MACROD2: variants seen among roughly 807,000 people sequenced by gnomAD.
MACROD2 encodes mono-ADP ribosylhydrolase 2, also known as ADP-ribose glycohydrolase MACROD2.
Under a neutral mutation model 70.4 loss-of-function variants are expected in MACROD2, and 36 were observed. The observed-to-expected ratio is 0.51, with a 90% CI of 0.39 to 0.68. The LOEUF (loss-of-function observed/expected upper bound fraction) is 0.68. MACROD2 is among the 30% of genes least tolerant of loss of function. MACROD2 has a pLI of 0.00. For missense variants in MACROD2, 496 were observed against 538.4 expected (o/e 0.92, Z 0.78); for synonymous variants, 172 against 178.8 (o/e 0.96, Z 0.30).
At chr20:15,357,166 T>C (rs1027792004) in intron 6 of MACROD2, among the ~76,000 whole-genome samples, 1 of 152,152 alleles carries the variant, frequency 6.6e-6, no homozygotes, top group Non-Finnish European at 1.5e-5. Context: ...TATCCAGCCA[T>C]GAGACTTTGA....
chr20:14,590,260 G>A (rs1197870080), intron 4 of MACROD2, among the ~76,000 whole-genome samples: 1 of 152,086 alleles, frequency 6.6e-6, no homozygotes, highest in Non-Finnish European at 1.5e-5. Context: ...GGAATATAGA[G>A]CTGTCCTAAC....
chr20:14,325,316 C>G (rs921386082), intron 3 of MACROD2: 1 of 363,268 alleles, frequency 2.8e-6, no homozygotes, highest in Non-Finnish European at 4.9e-6. Flanking sequence ...GTACAAATTA[C>G]TAAAAAATAC....
chr20:14,152,629 G>A (rs187719457), intron 3 of MACROD2, among the ~76,000 whole-genome samples: 39 of 152,134 alleles, frequency 2.6e-4, no homozygotes, highest in East Asian at 2.1e-3. Flanking sequence ...GTTTTGCTAC[G>A]TTGGCCAGGC....
chr20:14,431,151 T>C (rs1171183146), intron 3 of MACROD2, among the ~76,000 whole-genome samples: 2 of 152,170 alleles, frequency 1.3e-5, no homozygotes, highest in Non-Finnish European at 1.5e-5. Flanking sequence ...AGATGTTCGA[T>C]AGGCAGTTAG....
At chr20:15,712,479 T>A (rs2050642777) in intron 8 of MACROD2, among the ~76,000 whole-genome samples, 1 of 152,148 alleles carries the variant, frequency 6.6e-6, no homozygotes, top group Admixed American at 6.5e-5. Flanking sequence ...ACTGATCAGA[T>A]TACACATCTT....
chr20:15,021,257 CACACCTGTGTGTGTGT>C lies in MACROD2; in HGVS notation c.419-208681_419-208666del, dbSNP rs1568535025. ...ACACACACCTGTGTGTATGTATACA[CACACCTGTGTGTGTGT>C]ATACGCACACCTGTGTGTGTGTATA... On this transcript the variant is annotated intron_variant, in intron 5 of 17. Coordinates refer to ENST00000684519, the MANE Select transcript of MACROD2 (RefSeq NM_001351661.2). Among the ~76,000 whole-genome samples the C allele has an allele frequency of 1.3e-4, 15 of 119,856 alleles. 1 individual carries two copies. Among genetic ancestry groups the C allele is most frequent in the African/African-American group, 4.7e-4 (15 of 32,026 alleles). The allele number at this position is 119,856 out of a possible 152,430, so 78.6% of individuals were successfully genotyped here.
At chr20:14,112,918 G>A (rs192849830) in intron 3 of MACROD2, among the ~76,000 whole-genome samples, 12 of 151,958 alleles carry the variant, frequency 7.9e-5, no homozygotes, top group Admixed American at 7.9e-4. Context: ...GGAACTTACC[G>A]ATTTATTAAC....
intron 3 of MACROD2, among the ~76,000 whole-genome samples, chr20:14,461,581 G>T (rs541481889): frequency 6.6e-6 from 1 of 151,814 alleles, no homozygotes; most frequent in African/African-American, 2.4e-5. Context: ...ATGTATACCT[G>T]TGCCATGTTG....
chr20:15,140,931 G>A (rs2076187209), intron 5 of MACROD2, among the ~76,000 whole-genome samples: 1 of 152,172 alleles, frequency 6.6e-6, no homozygotes, highest in Non-Finnish European at 1.5e-5. Context: ...GTCGCAGTAT[G>A]CACCATACTG....
intron 5 of MACROD2, chr20:14,893,455 T>G (rs1027535893): frequency 1.3e-5 from 2 of 152,192 alleles, no homozygotes; most frequent in Admixed American, 1.3e-4. Context: ...ACTTTCCGTT[T>G]TTTGATAATA....
chr20:14,894,399 G>A (rs1487883682), intron 5 of MACROD2: 1 of 151,686 alleles, frequency 6.6e-6, no homozygotes, highest in Non-Finnish European at 1.5e-5. Flanking sequence ...TCCGGCTAAT[G>A]TTTTTATATT....
At chr20:14,683,142 G>C (rs757059808) in intron 4 of MACROD2, among the ~76,000 whole-genome samples, 1 of 152,092 alleles carries the variant, frequency 6.6e-6, no homozygotes, top group Non-Finnish European at 1.5e-5. Flanking sequence ...GCCTCCTAAA[G>C]TGCTGGGATT....
intron 5 of MACROD2, among the ~76,000 whole-genome samples, chr20:14,767,256 T>G (rs2072102864): frequency 6.6e-6 from 1 of 152,150 alleles, no homozygotes; most frequent in Non-Finnish European, 1.5e-5. Context: ...TTCTATTATA[T>G]TTTTAAAATA....
intron 6 of MACROD2, among the ~76,000 whole-genome samples, chr20:15,376,354 A>G (rs1276490160): frequency 3.3e-5 from 5 of 152,180 alleles, no homozygotes; most frequent in African/African-American, 4.8e-5. Context: ...ATTGCTCAGC[A>G]GGTGGTTGGA....
At chr20:15,313,278 G>A (rs543175563) in intron 6 of MACROD2, among the ~76,000 whole-genome samples, 78 of 152,122 alleles carry the variant, frequency 5.1e-4, no homozygotes, top group Non-Finnish European at 7.2e-4. Context: ...AGGCCGAGGC[G>A]GGTGGATCAC....
At chr20:14,891,558 A>G (rs2073760612) in intron 5 of MACROD2, among the ~76,000 whole-genome samples, 1 of 152,174 alleles carries the variant, frequency 6.6e-6, no homozygotes, top group African/African-American at 2.4e-5. Context: ...CATAGTCGGT[A>G]TGCAATAAAT....
intron 3 of MACROD2, among the ~76,000 whole-genome samples, chr20:14,138,280 T>C (rs1294040785): frequency 6.6e-6 from 1 of 152,104 alleles, no homozygotes; most frequent in Non-Finnish European, 1.5e-5. Context: ...GGAGATGAAA[T>C]CAGCACATTG....
At chr20:15,514,384 T>A (rs560007032) in intron 8 of MACROD2, among the ~76,000 whole-genome samples, 9 of 152,206 alleles carry the variant, frequency 5.9e-5, no homozygotes, top group Non-Finnish European at 1.0e-4. Flanking sequence ...TCTACTATAC[T>A]TTTACTGTAC....
At chr20:14,210,497 A>G (rs1265746016) in intron 3 of MACROD2, among the ~76,000 whole-genome samples, 1 of 152,164 alleles carries the variant, frequency 6.6e-6, no homozygotes, top group Non-Finnish European at 1.5e-5. Context: ...AGATAGGCTC[A>G]CCTAGATGAA....
Sources: allele counts gnomAD v4.1 joint callset (sites outside exome capture counted in the v4.1 genomes callset), GRCh38; gene constraint gnomAD v4.1.1; transcripts MANE v1.5; gene names NCBI Gene and HGNC (gene_info 2026-07-23, HGNC 2026-07-21).